The following CAMTA1 variants were observed in gnomAD, a reference collection of about 807,000 sequenced individuals.
The protein encoded by CAMTA1 is calmodulin-binding transcription activator 1.
Under a neutral mutation model 170.9 loss-of-function variants are expected in CAMTA1, and 27 were observed. That is an observed-to-expected ratio of 0.16 (90% confidence interval 0.12 to 0.22). The LOEUF is 0.22. CAMTA1 is among the 10% of genes least tolerant of loss of function. The pLI is 1.00. For synonymous variants in CAMTA1, 833 were observed against 891.5 expected (o/e 0.93, Z 1.17); for missense variants, 1,619 against 2,217.2 (o/e 0.73, Z 5.42).
intron 3 of CAMTA1, among the ~76,000 whole-genome samples, chr1:6,930,724 C>G (rs1443165116): frequency 6.6e-6 from 1 of 152,210 alleles, no homozygotes; most frequent in Admixed American, 6.5e-5. Flanking sequence ...TTTGGCTGTC[C>G]CCTGAACCCT....
At chr1:7,094,053 C>T (rs745555349) in intron 4 of CAMTA1, among the ~76,000 whole-genome samples, 25 of 152,146 alleles carry the variant, frequency 1.6e-4, no homozygotes, top group Admixed American at 5.2e-4. Flanking sequence ...GCTTTGACTT[C>T]GACAGGCGTC....
At chr1:6,905,694 C>G (rs1678298193) in intron 3 of CAMTA1, among the ~76,000 whole-genome samples, 1 of 152,162 alleles carries the variant, frequency 6.6e-6, no homozygotes, top group East Asian at 1.9e-4. Flanking sequence ...GTGCCCCTGC[C>G]CCCTGCTTTG....
chr1:7,501,539 G>A (rs2094005613), intron 6 of CAMTA1, among the ~76,000 whole-genome samples: 1 of 152,154 alleles, frequency 6.6e-6, no homozygotes, highest in Admixed American at 6.5e-5. Context: ...AGGCCCTGGA[G>A]GCTGGGGTGC....
chr1:7,027,395 C>T (rs1702165424), intron 3 of CAMTA1, among the ~76,000 whole-genome samples: 1 of 152,060 alleles, frequency 6.6e-6, no homozygotes, highest in Non-Finnish European at 1.5e-5. Context: ...GCCCACGAGA[C>T]CTGGGGGAAG....
chr1:6,964,346 T>G (rs537866747), intron 3 of CAMTA1, among the ~76,000 whole-genome samples: 3 of 143,838 alleles, frequency 2.1e-5, no homozygotes, highest in African/African-American at 7.4e-5. Context: ...CCTGGGTACC[T>G]GGGGAGGGCG....
intron 7 of CAMTA1, among the ~76,000 whole-genome samples, chr1:7,654,228 AAACTT>A (rs1019467863): frequency 5.9e-5 from 9 of 151,686 alleles, no homozygotes; most frequent in African/African-American, 1.9e-4. Context: ...TAAAAATACA[AAACTT>A]AGCCAGGCGT....
intron 3 of CAMTA1, among the ~76,000 whole-genome samples, chr1:7,073,219 T>G (rs1383239938): frequency 6.6e-6 from 1 of 152,158 alleles, no homozygotes; most frequent in Admixed American, 6.5e-5. Context: ...GGTGCTGTCA[T>G]CTACTGAGGT....
At chr1:7,377,687 G>A (rs1028042025) in intron 5 of CAMTA1, among the ~76,000 whole-genome samples, 6 of 152,128 alleles carry the variant, frequency 3.9e-5, no homozygotes, top group African/African-American at 1.4e-4. Context: ...TGAGGAGGCC[G>A]AGGCAGGTGA....
intron 1 of CAMTA1, among the ~76,000 whole-genome samples, chr1:6,819,256 A>G (rs1397535386): frequency 1.3e-5 from 2 of 152,238 alleles, no homozygotes; most frequent in African/African-American, 4.8e-5. Context: ...AACAAAAAAG[A>G]TATTTTTAGG....
chr1:7,325,842 G>A lies in CAMTA1; in HGVS notation c.438+76216G>A, dbSNP rs1399874263. Among the ~76,000 whole-genome samples, 1 of 147,708 alleles carries A rather than the reference G, an allele frequency of 6.8e-6. No homozygotes were observed. Among genetic ancestry groups the A allele is most frequent in the Non-Finnish European group, 1.5e-5 (1 of 65,852 alleles). On this transcript the variant is annotated intron_variant, in intron 5 of 22. Transcript: ENST00000303635. This position sits in a 1 kb window ranked among gnomAD's most constrained non-coding sequence, Gnocchi z 5.0. ...CAGATCCAGGTTTGGTTTGTTGTTGGTGGGTTTTTTTGTTTGTTTGTTTGT... is the reference window on the plus strand; with the variant it reads ...CAGATCCAGGTTTGGTTTGTTGTTGATGGGTTTTTTTGTTTGTTTGTTTGT...
chr1:7,524,967 CT>C (rs896940008), intron 6 of CAMTA1, among the ~76,000 whole-genome samples: 2 of 152,174 alleles, frequency 1.3e-5, no homozygotes, highest in African/African-American at 4.8e-5. Flanking sequence ...CACATATCCA[CT>C]CATTCATTCA....
chr1:7,013,209 C>CTTCT (rs1304575208), intron 3 of CAMTA1, among the ~76,000 whole-genome samples: 7 of 84,196 alleles, frequency 8.3e-5, no homozygotes, highest in African/African-American at 3.2e-4. Flanking sequence ...TGCCCTTCTT[C>CTTCT]TTTTTTTTTT....
intron 4 of CAMTA1, among the ~76,000 whole-genome samples, chr1:7,242,048 A>G (rs138479683): frequency 2.0e-4 from 30 of 152,356 alleles, no homozygotes; most frequent in African/African-American, 4.3e-4. Flanking sequence ...TTTGCAAATC[A>G]TATGTCTGAT....
intron 3 of CAMTA1, among the ~76,000 whole-genome samples, chr1:6,897,821 A>T (rs1282529741): frequency 1.3e-5 from 2 of 152,214 alleles, no homozygotes; most frequent in Admixed American, 6.5e-5. Flanking sequence ...AGTAAGGGAA[A>T]AGTATCCACT....
In CAMTA1 at chr1:7,063,567, T is replaced by TCCTCCCCTGTAG. The variant is rs1329144181; in HGVS notation, c.235-27727_235-27716dup. On this transcript the variant is annotated intron_variant, in intron 3 of 22. Coordinates refer to ENST00000303635, the MANE Select transcript of CAMTA1 (RefSeq NM_015215.4). This position sits in a 1 kb window ranked among gnomAD's most constrained non-coding sequence, Gnocchi z 4.3. The stretch of plus-strand genomic sequence containing the variant: ...TCTTCTGAAGAATTATGGCTATATC[T>TCCTCCCCTGTAG]CCTCCCCTGTAGCCTCCCCTGCTCT... 3.3e-5 allele frequency among the ~76,000 whole-genome samples: 5 copies of TCCTCCCCTGTAG among 152,236 alleles called. No individual in the cohort carries two copies. The highest frequency in any genetic ancestry group is 5.9e-5 in the Non-Finnish European group (4 of 68,040).
At chr1:6,937,609 C>CCACTACCAT (rs1262772372) in intron 3 of CAMTA1, among the ~76,000 whole-genome samples, 43 of 3,100 alleles carry the variant, frequency 0.014, 1 homozygote, top group Non-Finnish European at 0.022. Flanking sequence ...ATCATCATCA[C>CCACTACCAT]CATCACTATC....
At chr1:7,650,257 G>A (rs1033408627) in intron 7 of CAMTA1, among the ~76,000 whole-genome samples, 4 of 152,202 alleles carry the variant, frequency 2.6e-5, no homozygotes, top group Non-Finnish European at 5.9e-5. Flanking sequence ...ATGCCGCTTC[G>A]CACATCAGGA....
At chr1:7,175,102 A>G (rs1224597838) in intron 4 of CAMTA1, among the ~76,000 whole-genome samples, 1 of 152,036 alleles carries the variant, frequency 6.6e-6, no homozygotes, top group African/African-American at 2.4e-5. Flanking sequence ...AGGACAGGAA[A>G]GTACAGGAGT....
chr1:7,150,670 A>G (rs556359190), intron 4 of CAMTA1, among the ~76,000 whole-genome samples: 2 of 152,030 alleles, frequency 1.3e-5, no homozygotes, highest in East Asian at 3.9e-4. Flanking sequence ...TGCTCCACCC[A>G]ATGCAAAGAT....
Sources: gnomAD v4.1 joint callset for allele counts (sites outside exome capture counted in the v4.1 genomes callset) on GRCh38, gnomAD v4.1.1 for gene constraint, Gnocchi (gnomAD v3.1) non-coding constraint, MANE v1.5 for transcripts, NCBI Gene and HGNC (gene_info 2026-07-23, HGNC 2026-07-21) for gene names.